Variants in OSBPL5 observed in about 807,000 individuals in gnomAD.
OSBPL5 encodes the protein oxysterol binding protein like 5.
A neutral mutation model predicts 111.2 loss-of-function variants in OSBPL5; 71 were observed. The ratio of observed to expected loss-of-function variants is 0.64; its 90% CI spans 0.53 to 0.78. The LOEUF (loss-of-function observed/expected upper bound fraction) is 0.78. Among genes scored for constraint, OSBPL5 ranks in the 30% least tolerant of loss-of-function variants. OSBPL5 has a pLI of 0.00. For synonymous variants in OSBPL5, 549 were observed against 513.9 expected, an observed-to-expected ratio of 1.07 and a Z score of -0.93; for missense variants, 1,210 against 1,189.3, an observed-to-expected ratio of 1.02 and a Z score of -0.26.
intron 13 of OSBPL5, among the ~76,000 whole-genome samples, chr11:3,100,809 C>T (rs999682475): frequency 6.6e-6 from 1 of 152,058 alleles, no homozygotes; most frequent in Non-Finnish European, 1.5e-5. Flanking sequence ...GAAATGTAAA[C>T]GGACACTTTT....
rs753103806 is a variant in OSBPL5, at chr11:3,092,387, C to T, written c.2259+45G>A. ...GGAGCGAGGGGTGGTGGTGGCCACACGTGCAGCTAAGACCAGCCCTGGGTG... is the reference window on the plus strand; with the variant it reads ...GGAGCGAGGGGTGGTGGTGGCCACATGTGCAGCTAAGACCAGCCCTGGGTG... On this transcript the variant is annotated intron_variant, in intron 19 of 21. Transcript: ENST00000263650. This position sits in a 1 kb window ranked among gnomAD's most constrained non-coding sequence, Gnocchi z 5.4. 6.6e-6 allele frequency: 10 copies of T among 1,523,502 alleles called. No homozygotes were observed. The Middle Eastern group carries it at 5.8e-4, about 88-fold the overall frequency. The allele number at this position is 1,523,502 out of a possible 1,614,324, so 94.4% of individuals were successfully genotyped here.
Position 3,105,974 on chromosome 11 carries a change from G to A in OSBPL5, c.1059+1289C>T, listed in dbSNP as rs577972840. 2.0e-5 allele frequency among the ~76,000 whole-genome samples: 3 copies of A among 152,208 alleles called. No homozygotes were observed. The highest frequency in any genetic ancestry group is 2.1e-4 in the South Asian group (1 of 4,816). On this transcript the variant is annotated intron_variant, in intron 9 of 21. Transcript: ENST00000263650. This position sits in a 1 kb window ranked among gnomAD's most constrained non-coding sequence, Gnocchi z 5.2. ...TCTCCTAACAATGGGTCTTCCCTAC[G>A]GGTGGCCCAGTGTCCACCCCCGCCC...
Position 3,093,031 on chromosome 11 carries a change from C to T in OSBPL5, c.1968G>A (p.Arg656=). Residue 656 remains arginine, a synonymous_variant, in exon 18 of 22, where the codon AGG becomes AGA. Coordinates refer to ENST00000263650, the MANE Select transcript of OSBPL5 (RefSeq NM_020896.4). The part of the protein sequence containing the change: ...ESERLWQHVT[R]AISKGDQHRA... The stretch of plus-strand genomic sequence containing the variant: ...TGTGCTGGTCGCCCTTGCTGATGGC[C>T]CTGGTGACGTGCTGCCAGAGCCTGC... The T allele has an allele frequency of 6.3e-7, 1 of 1,593,696 alleles. No homozygotes were observed. Among genetic ancestry groups the T allele is most frequent in the Non-Finnish European group, 8.5e-7 (1 of 1,171,014 alleles).
At chr11:3,089,132 CT>C (rs1165298545) in intron 21 of OSBPL5, among the ~76,000 whole-genome samples, 1 of 152,338 alleles carries the variant, frequency 6.6e-6, no homozygotes, top group East Asian at 1.9e-4. Context: ...CAGGGAGCAC[CT>C]TCTGGAAATG....
At chr11:3,148,441 GC>G in intron 1 of OSBPL5, among the ~76,000 whole-genome samples, 1 of 152,372 alleles carries the variant, frequency 6.6e-6, no homozygotes, top group African/African-American at 2.4e-5. Flanking sequence ...CCTGCTGGCA[GC>G]CCTGAAGGCG....
At chr11:3,097,021 G>GAGGAGGAGAGGAAAGGGGGGAAGAT (rs1564824559) in intron 14 of OSBPL5, among the ~76,000 whole-genome samples, 2 of 10,380 alleles carry the variant, frequency 1.9e-4, no homozygotes, top group African/African-American at 3.4e-4. Context: ...AAGACGGGAG[G>GAGGAGGAGAGGAAAGGGGGGAAGAT]GGGAGGAGAG....
intron 3 of OSBPL5, 24 bp from the exon 4 acceptor site, chr11:3,122,452 G>T: frequency 1.9e-6 from 3 of 1,610,158 alleles, no homozygotes; most frequent in Non-Finnish European, 2.5e-6. Context: ...GTGGGTATGC[G>T]GGACAGGGCA....
At position 3,091,851 on chromosome 11, in the gene OSBPL5, G is replaced by A. The variant is rs971549878; in HGVS notation, c.2259+581C>T. On this transcript the variant is annotated intron_variant, in intron 19 of 21. Coordinates refer to ENST00000263650, the MANE Select transcript of OSBPL5 (RefSeq NM_020896.4). ...AACACGCCCCCATCCTGTCCGCTGC[G>A]GGTGAGCACCGGCCGCGCTCTGCAC... Among the ~76,000 whole-genome samples the A allele has an allele frequency of 6.6e-5, 10 of 152,276 alleles. No homozygotes were observed. In the East Asian group the frequency reaches 7.7e-4, roughly 12 times the overall value.
intron 21 of OSBPL5, among the ~76,000 whole-genome samples, chr11:3,088,755 G>C (rs1413286946): frequency 6.6e-6 from 1 of 152,174 alleles, no homozygotes; most frequent in Non-Finnish European, 1.5e-5. Flanking sequence ...CCATTAGGGT[G>C]GGCCCTGGTC....
intron 12 of OSBPL5, 81 bp from the exon 13 acceptor site, chr11:3,101,780 A>ACCTGTC (rs1219613362): frequency 1.7e-6 from 2 of 1,178,504 alleles, no homozygotes; most frequent in Admixed American, 1.9e-5. Context: ...CCCCCAAAAA[A>ACCTGTC]CCTGTCCCTG....
chr11:3,101,524 T>C lies in OSBPL5; in HGVS notation c.1522+79A>G, dbSNP rs1857454454. The C allele has an allele frequency of 5.3e-6, 7 of 1,331,128 alleles. No individual in the cohort carries two copies. In the African/African-American group the frequency reaches 1.0e-4, roughly 19 times the overall value. The allele number at this position is 1,331,128 out of a possible 1,614,324, so 82.5% of individuals were successfully genotyped here. A position where few individuals can be genotyped will look rare whatever the true frequency, so the allele number is the denominator to read the frequency against. On this transcript the variant is annotated intron_variant, in intron 13 of 21. Transcript: ENST00000263650. ...AGGCACATGGCCCCCATCCAGATCT[T>C]GGTCCACTGGCTCCCGGAGTCCTCC...
chr11:3,124,559 C>T (rs1020305407), intron 3 of OSBPL5, among the ~76,000 whole-genome samples: 2 of 152,136 alleles, frequency 1.3e-5, no homozygotes, highest in African/African-American at 4.8e-5. Context: ...CTGGGTAGCC[C>T]CTGCTCCTTT....
At chr11:3,112,063 ATGTG>A (rs1327690572) in intron 7 of OSBPL5, among the ~76,000 whole-genome samples, 8 of 27,694 alleles carry the variant, frequency 2.9e-4, no homozygotes, top group East Asian at 2.0e-3. Flanking sequence ...GTGCATGTGT[ATGTG>A]TGTGTGCATG....
At chr11:3,158,824 A>T (rs943716475) in intron 1 of OSBPL5, among the ~76,000 whole-genome samples, 9 of 152,228 alleles carry the variant, frequency 5.9e-5, no homozygotes, top group African/African-American at 2.2e-4. Context: ...GAGCAGATGG[A>T]CAGAAGCCCT....
rs557515520 is a variant in OSBPL5 at position 3,118,492 on chromosome 11, G to A, written c.691+1055C>T. On this transcript the variant is annotated intron_variant, in intron 7 of 21. Transcript: ENST00000263650. Reference sequence around the variant, plus strand: ...AAATGTATAAAACCAAACTGTGCTCGGACCACCTTGGGCACAAGTCATCAG... The same window carrying A: ...AAATGTATAAAACCAAACTGTGCTCAGACCACCTTGGGCACAAGTCATCAG... Among the ~76,000 whole-genome samples, 97 of 152,122 alleles carry A rather than the reference G, an allele frequency of 6.4e-4. 1 individual carries two copies. The highest frequency in any genetic ancestry group is 2.0e-3 in the African/African-American group (85 of 41,484).
chr11:3,132,921 C>CT (rs1845851416), intron 1 of OSBPL5, among the ~76,000 whole-genome samples: 1 of 152,194 alleles, frequency 6.6e-6, no homozygotes, highest in African/African-American at 2.4e-5. Flanking sequence ...TTCACACAGG[C>CT]TGCCTGTCGT....
In OSBPL5 at chr11:3,103,784, G is replaced by GCCCC. The variant is rs201532517; in HGVS notation, c.1244+408_1244+409insGGGG. Among the ~76,000 whole-genome samples, 51 of 65,754 alleles carry GCCCC rather than the reference G, an allele frequency of 7.8e-4. 2 individuals carry two copies. In the South Asian group the frequency reaches 9.6e-3, roughly 12 times the overall value. 43.1% of individuals were successfully genotyped at this position (65,754 alleles called of 152,430 possible). On this transcript the variant is annotated intron_variant, in intron 10 of 21. Coordinates refer to ENST00000263650, the MANE Select transcript of OSBPL5 (RefSeq NM_020896.4). ...CTGCAGCCCCCTTCCAGCCTCTGCA[G>GCCCC]TCCCTTCCTGCCTCTGCAGCCCTCT...
intron 3 of OSBPL5, among the ~76,000 whole-genome samples, chr11:3,123,041 G>C (rs1205568712): frequency 6.6e-6 from 1 of 152,210 alleles, no homozygotes; most frequent in Non-Finnish European, 1.5e-5. Flanking sequence ...GTACTGGTGG[G>C]GGGTGTGCAG....
intron 20 of OSBPL5, among the ~76,000 whole-genome samples, chr11:3,090,352 C>T (rs1590627104): frequency 1.3e-5 from 2 of 152,282 alleles, no homozygotes; most frequent in East Asian, 3.9e-4. Context: ...CCCACCCCCA[C>T]CATTCCCCCC....
Sources: gnomAD v4.1 joint callset for allele counts (sites outside exome capture counted in the v4.1 genomes callset) on GRCh38, gnomAD v4.1.1 for gene constraint, Gnocchi (gnomAD v3.1) non-coding constraint, MANE v1.5 for transcripts, NCBI Gene and HGNC (gene_info 2026-07-23, HGNC 2026-07-21) for gene names.